DOK5: variants seen among roughly 807,000 people sequenced by gnomAD.
DOK5 encodes docking protein 5, also known as downstream of tyrosine kinase 5.
In DOK5, 27 loss-of-function variants were observed where a neutral mutation model predicts 43.3. The ratio of observed to expected loss-of-function variants is 0.62; its 90% CI spans 0.46 to 0.86. The LOEUF is 0.86. Ranked by LOEUF, DOK5 falls within the 40% of genes least tolerant of loss-of-function variation. The pLI, the probability that DOK5 is intolerant of heterozygous loss-of-function variation, is 0.00. For synonymous variants in DOK5, 146 were observed against 140.1 expected, an observed-to-expected ratio of 1.04 and a Z score of -0.30; for missense variants, 373 against 392.9, an observed-to-expected ratio of 0.95 and a Z score of 0.43.
intron 7 of DOK5, among the ~76,000 whole-genome samples, chr20:54,644,597 G>T (rs1412200695): frequency 2.9e-4 from 44 of 151,916 alleles, no homozygotes; most frequent in East Asian, 5.8e-4. Context: ...TCCCAGCTAC[G>T]CGGGAGGCTG....
At chr20:54,573,635 C>A (rs1600711048) in intron 2 of DOK5, among the ~76,000 whole-genome samples, 1 of 131,162 alleles carries the variant, frequency 7.6e-6, no homozygotes, top group Admixed American at 9.4e-5. Context: ...TGCGGTGAGC[C>A]AAGATTGCAC....
chr20:54,543,125 C>T (rs1984220623), intron 1 of DOK5, among the ~76,000 whole-genome samples: 1 of 152,064 alleles, frequency 6.6e-6, no homozygotes, highest in Admixed American at 6.6e-5. Flanking sequence ...AGATAATTTT[C>T]AAAACAGGTA....
intron 5 of DOK5, among the ~76,000 whole-genome samples, chr20:54,609,663 G>C (rs990081608): frequency 7.9e-5 from 12 of 152,154 alleles, no homozygotes; most frequent in African/African-American, 2.9e-4. Flanking sequence ...CTAATTGTGT[G>C]TACCAGTCTT....
At chr20:54,536,895 C>T (rs1351349705) in intron 1 of DOK5, among the ~76,000 whole-genome samples, 1 of 152,198 alleles carries the variant, frequency 6.6e-6, no homozygotes, top group Non-Finnish European at 1.5e-5. Context: ...AGTAACAAGT[C>T]CTCCACACCA....
At chr20:54,513,995 C>A (rs1482773844) in intron 1 of DOK5, among the ~76,000 whole-genome samples, 1 of 152,184 alleles carries the variant, frequency 6.6e-6, no homozygotes, top group Admixed American at 6.5e-5. Flanking sequence ...ATTACTTATT[C>A]TGAAGGGATT....
chr20:54,567,473 G>A (rs1439111601), intron 2 of DOK5, among the ~76,000 whole-genome samples: 1 of 151,572 alleles, frequency 6.6e-6, no homozygotes, highest in Non-Finnish European at 1.5e-5. Flanking sequence ...TTTTACCTTT[G>A]TCAAAAATTA....
intron 1 of DOK5, among the ~76,000 whole-genome samples, chr20:54,509,633 C>A (rs1407592111): frequency 6.6e-6 from 1 of 152,146 alleles, no homozygotes; most frequent in Non-Finnish European, 1.5e-5. Context: ...AAAGCAGGAA[C>A]AAATGAAAGG....
chr20:54,485,353 C>CA (rs546070379), intron 1 of DOK5, among the ~76,000 whole-genome samples: 10,141 of 77,250 alleles, frequency 0.13, 473 homozygotes, highest in South Asian at 0.17. Flanking sequence ...GACTCCGTCT[C>CA]AAAAAAAAAA....
At chr20:54,628,633 A>G (rs1978424947) in intron 6 of DOK5, among the ~76,000 whole-genome samples, 1 of 152,056 alleles carries the variant, frequency 6.6e-6, no homozygotes. Context: ...TCTCTGTTCC[A>G]GAGGAACTGG....
chr20:54,479,782 C>A (rs1981593568), intron 1 of DOK5, among the ~76,000 whole-genome samples: 2 of 152,132 alleles, frequency 1.3e-5, no homozygotes, highest in African/African-American at 4.8e-5. Flanking sequence ...ACTCACAGAC[C>A]TGCTGCTCCT....
rs1983490575 is a variant in DOK5 at position 54,523,750 on chromosome 20, TG to T, written c.67-31182del. On this transcript the variant is annotated intron_variant, in intron 1 of 7. Coordinates refer to ENST00000262593, the MANE Select transcript of DOK5 (RefSeq NM_018431.5). ...CCTCCCAAGTAGCTGGGATTACAGG[TG>T]TGCACCACCACATTTGTCTAAATGT... is the stretch of plus-strand genomic sequence containing the variant. Among the ~76,000 whole-genome samples, 3 of 148,786 alleles carry T rather than the reference TG, an allele frequency of 2.0e-5. No individual in the cohort carries two copies. In the South Asian group the frequency reaches 6.3e-4, roughly 31 times the overall value.
At chr20:54,505,014 G>A (rs575921923) in intron 1 of DOK5, among the ~76,000 whole-genome samples, 22 of 152,098 alleles carry the variant, frequency 1.4e-4, no homozygotes, top group African/African-American at 3.4e-4. Context: ...TATCTGTCCC[G>A]GTGGCATTCC....
intron 1 of DOK5, among the ~76,000 whole-genome samples, chr20:54,527,248 G>T (rs1983607904): frequency 6.6e-6 from 1 of 152,140 alleles, no homozygotes; most frequent in African/African-American, 2.4e-5. Flanking sequence ...TTTGAGAATG[G>T]CCATTTTAAA....
intron 5 of DOK5, among the ~76,000 whole-genome samples, chr20:54,602,685 AT>A (rs983270718): frequency 1.3e-5 from 2 of 151,798 alleles, no homozygotes; most frequent in African/African-American, 2.4e-5. Flanking sequence ...TTTTTAATGT[AT>A]TTTTTTTAGA....
chr20:54,604,321 T>C (rs1986397620), intron 5 of DOK5, among the ~76,000 whole-genome samples: 1 of 152,020 alleles, frequency 6.6e-6, no homozygotes, highest in Admixed American at 6.6e-5. Flanking sequence ...TTTTTACTTT[T>C]AATTTTATAT....
chr20:54,565,628 T>G (rs16999786), intron 2 of DOK5, among the ~76,000 whole-genome samples: 2 of 152,056 alleles, frequency 1.3e-5, no homozygotes. Flanking sequence ...GAAAACATAA[T>G]CTACATGTAT....
rs545357915 is a variant in DOK5, at chr20:54,500,557, A to ATTTTT, written c.66+24562_66+24566dup. On this transcript the variant is annotated intron_variant, in intron 1 of 7. Transcript: ENST00000262593. ...ATATTTACAATGTCATACCCAGTGT[A>ATTTTT]TTTTTTTTTTTTTTTTTTTTTGAGA... 1.5e-3 allele frequency among the ~76,000 whole-genome samples: 168 copies of ATTTTT among 115,432 alleles called. 2 individuals carry two copies. Among genetic ancestry groups the ATTTTT allele is most frequent in the African/African-American group, 5.1e-3 (152 of 29,704 alleles). 75.7% of individuals were successfully genotyped at this position (115,432 alleles called of 152,430 possible). A position where few individuals can be genotyped will look rare whatever the true frequency, so the allele number is the denominator to read the frequency against.
chr20:54,610,412 G>GT lies in DOK5; in HGVS notation c.627dup (p.Ile210TyrfsTer43), dbSNP rs1158436552. 6.3e-7 allele frequency: 1 copy of GT among 1,588,266 alleles called. No homozygotes were observed. Among genetic ancestry groups the GT allele is most frequent in the East Asian group, 2.3e-5 (1 of 43,910 alleles). On this transcript the variant is annotated frameshift_variant, in exon 6 of 8. Coordinates refer to ENST00000262593, the MANE Select transcript of DOK5 (RefSeq NM_018431.5). LOFTEE classifies it high-confidence loss of function. ...GGATGTGTGAGACTGGTGAAGGGCT[G>GT]TTTATCTTTCAGACCCGAGACGGGG...
intron 1 of DOK5, among the ~76,000 whole-genome samples, chr20:54,493,676 C>T (rs1982282932): frequency 6.6e-6 from 1 of 152,162 alleles, no homozygotes; most frequent in South Asian, 2.1e-4. Flanking sequence ...GTGGCTCAGT[C>T]CTGTAATCCC....
Sources: allele counts gnomAD v4.1 joint callset (sites outside exome capture counted in the v4.1 genomes callset), GRCh38; gene constraint gnomAD v4.1.1; transcripts MANE v1.5; gene names NCBI Gene and HGNC (gene_info 2026-07-23, HGNC 2026-07-21).